The following DOK6 variants were observed in gnomAD, a reference collection of about 807,000 sequenced individuals.
The protein encoded by DOK6 is docking protein 6.
DOK6 carries 22 observed loss-of-function variants against 44.0 expected under a neutral mutation model. That is an observed-to-expected ratio of 0.50 (90% CI 0.36 to 0.71). DOK6 has a LOEUF of 0.71. DOK6 is among the 30% of genes least tolerant of loss of function. DOK6 has a pLI of 0.00. For synonymous variants in DOK6, 166 were observed against 145.5 expected (o/e 1.14, Z -1.01); for missense variants, 340 against 416.4 (o/e 0.82, Z 1.60).
intron 3 of DOK6, among the ~76,000 whole-genome samples, chr18:69,650,306 G>A (rs921918088): frequency 4.6e-5 from 7 of 152,130 alleles, no homozygotes; most frequent in Non-Finnish European, 8.8e-5. Flanking sequence ...GGGAGTTTCA[G>A]TCTCTGAGCT....
intron 1 of DOK6, among the ~76,000 whole-genome samples, chr18:69,422,251 T>G (rs1437061749): frequency 6.6e-6 from 1 of 152,198 alleles, no homozygotes; most frequent in Non-Finnish European, 1.5e-5. Flanking sequence ...AATCTTATCC[T>G]CTTTCCCAAA....
intron 1 of DOK6, among the ~76,000 whole-genome samples, chr18:69,418,079 A>G (rs1301272643): frequency 6.6e-6 from 1 of 151,904 alleles, no homozygotes; most frequent in Admixed American, 6.6e-5. Context: ...CCATTTGCCC[A>G]TTTTTGCTTT....
At chr18:69,800,790 G>C (rs2852146) in intron 7 of DOK6, among the ~76,000 whole-genome samples, 3 of 151,938 alleles carry the variant, frequency 2.0e-5, no homozygotes, top group Non-Finnish European at 4.4e-5. Flanking sequence ...TCATTTTGAT[G>C]AATTTTATTC....
chr18:69,769,594 T>G (rs1288799371), intron 7 of DOK6, among the ~76,000 whole-genome samples: 2 of 152,170 alleles, frequency 1.3e-5, no homozygotes, highest in East Asian at 3.8e-4. Flanking sequence ...ACCCACATTT[T>G]GTGCAAAAAC....
At chr18:69,809,227 AAAAGCATTGGAC>A (rs1981143871) in intron 7 of DOK6, among the ~76,000 whole-genome samples, 1 of 151,892 alleles carries the variant, frequency 6.6e-6, no homozygotes, top group South Asian at 2.1e-4. Context: ...AGAATGCAGA[AAAAGCATTGGAC>A]AAAATTCAAC....
At chr18:69,615,328 T>G (rs1568312017) in intron 3 of DOK6, among the ~76,000 whole-genome samples, 1 of 152,200 alleles carries the variant, frequency 6.6e-6, no homozygotes, top group South Asian at 2.1e-4. Context: ...TTTATGAACA[T>G]TCCATTACTT....
At chr18:69,811,769 C>G (rs1383211656) in intron 7 of DOK6, among the ~76,000 whole-genome samples, 1 of 151,838 alleles carries the variant, frequency 6.6e-6, no homozygotes, top group East Asian at 1.9e-4. Context: ...CAACACTGTT[C>G]ACTTCTTCCA....
intron 3 of DOK6, among the ~76,000 whole-genome samples, chr18:69,641,147 G>A (rs558556113): frequency 5.3e-5 from 8 of 151,884 alleles, no homozygotes; most frequent in South Asian, 2.1e-4. Flanking sequence ...CCTGGGAGGC[G>A]GATGTTGCAG....
At chr18:69,649,745 A>AT (rs1372988196) in intron 3 of DOK6, among the ~76,000 whole-genome samples, 2 of 152,180 alleles carry the variant, frequency 1.3e-5, no homozygotes, top group South Asian at 4.1e-4. Flanking sequence ...TAGAAACGTT[A>AT]TTTTTAATGA....
chr18:69,772,522 T>C (rs1401253797), intron 7 of DOK6, among the ~76,000 whole-genome samples: 1 of 151,960 alleles, frequency 6.6e-6, no homozygotes, highest in Non-Finnish European at 1.5e-5. Context: ...GTTAGACATA[T>C]AGAGTAATGG....
At chr18:69,773,372 C>T (rs558047533) in intron 7 of DOK6, among the ~76,000 whole-genome samples, 14 of 151,946 alleles carry the variant, frequency 9.2e-5, no homozygotes, top group East Asian at 7.7e-4. Flanking sequence ...AGTAGGATCT[C>T]GAAGCGATAT....
intron 7 of DOK6, among the ~76,000 whole-genome samples, chr18:69,822,472 G>A (rs1313757215): frequency 6.6e-6 from 1 of 152,144 alleles, no homozygotes; most frequent in Non-Finnish European, 1.5e-5. Flanking sequence ...AAGTTCAGGT[G>A]GCACCTGCAC....
chr18:69,494,728 T>G (rs56295884), intron 1 of DOK6, among the ~76,000 whole-genome samples: 49,677 of 152,108 alleles, frequency 0.33, 8,352 homozygotes, highest in East Asian at 0.57. Context: ...CTTATTACCT[T>G]CTCATTTTTC....
chr18:69,541,687 G>A (rs1053821647), intron 1 of DOK6, among the ~76,000 whole-genome samples: 1 of 151,400 alleles, frequency 6.6e-6, no homozygotes, highest in African/African-American at 2.4e-5. Flanking sequence ...ACTCTCACAG[G>A]AGAAATGAAA....
intron 3 of DOK6, chr18:69,660,580 C>G (rs541464636): frequency 6.6e-6 from 1 of 152,106 alleles, no homozygotes; most frequent in Non-Finnish European, 1.5e-5. Context: ...ATAACCAAAA[C>G]TGGATAGATT....
rs1568328321 is a variant in DOK6 at position 69,669,676 on chromosome 18, CCG to C, written c.290-8056_290-8055del. Among the ~76,000 whole-genome samples, 19 of 152,270 alleles carry C rather than the reference CCG, an allele frequency of 1.2e-4. No individual in the cohort carries two copies. In the South Asian group the frequency reaches 1.9e-3, roughly 15 times the overall value. ...CCCTCGGACCCCTTCCCGCACCCCC[CCG>C]CCGACCCTCCTGGCTCTTGTTCTTG... On this transcript the variant is annotated intron_variant, in intron 3 of 7. Transcript: ENST00000382713.
At chr18:69,681,769 A>G (rs1297554307) in intron 4 of DOK6, among the ~76,000 whole-genome samples, 1 of 152,228 alleles carries the variant, frequency 6.6e-6, no homozygotes, top group South Asian at 2.1e-4. Flanking sequence ...CATAATAGCA[A>G]TTGTGGAAAA....
At chr18:69,590,193 A>G (rs1983592484) in intron 2 of DOK6, among the ~76,000 whole-genome samples, 1 of 152,176 alleles carries the variant, frequency 6.6e-6, no homozygotes, top group South Asian at 2.1e-4. Flanking sequence ...ATATGCAAAG[A>G]ACTAAGTAAA....
intron 7 of DOK6, among the ~76,000 whole-genome samples, chr18:69,763,069 A>G (rs1183157337): frequency 4.6e-5 from 7 of 152,194 alleles, no homozygotes. Flanking sequence ...TGCTACGCCC[A>G]GAAGGGTGCT....
Sources: gnomAD v4.1 joint callset for allele counts (sites outside exome capture counted in the v4.1 genomes callset) on GRCh38, gnomAD v4.1.1 for gene constraint, MANE v1.5 for transcripts, NCBI Gene and HGNC (gene_info 2026-07-23, HGNC 2026-07-21) for gene names.